The following ANKRD31 variants were observed in gnomAD, a reference collection of about 807,000 sequenced individuals.
ANKRD31 encodes the protein ankyrin repeat domain-containing protein 31.
ANKRD31 carries 147 observed loss-of-function variants against 186.0 expected under a neutral mutation model. That is an observed-to-expected ratio of 0.79 (90% CI 0.69 to 0.91). The LOEUF (loss-of-function observed/expected upper bound fraction) is 0.91, where lower values mean the gene tolerates loss of function less well. Ranked by LOEUF, ANKRD31 falls within the 40% of genes least tolerant of loss-of-function variation. The pLI is 0.00. For missense variants in ANKRD31, 1,986 were observed against 2,148.8 expected (o/e 0.92, Z 1.50); for synonymous variants, 673 against 736.4 (o/e 0.91, Z 1.39).
intron 19 of ANKRD31, among the ~76,000 whole-genome samples, chr5:75,115,434 T>C (rs552223950): frequency 1.5e-3 from 228 of 152,228 alleles, no homozygotes; most frequent in Middle Eastern, 6.8e-3. Context: ...AAAGAGCTTC[T>C]GCACAGGAAA....
At chr5:75,077,420 T>C (rs1477063560) in intron 25 of ANKRD31, among the ~76,000 whole-genome samples, 1 of 152,166 alleles carries the variant, frequency 6.6e-6, no homozygotes, top group Non-Finnish European at 1.5e-5. Context: ...AAAAGCCACC[T>C]GAAAAACTAC....
At chr5:75,230,789 C>T (rs1757900153) in intron 1 of ANKRD31, among the ~76,000 whole-genome samples, 154 bp from the exon 2 acceptor site, 2 of 152,148 alleles carry the variant, frequency 1.3e-5, no homozygotes, top group African/African-American at 4.8e-5. Flanking sequence ...CAGAAATGTA[C>T]ATTTTGATTG....
At position 75,082,744 on chromosome 5, in the gene ANKRD31, A is replaced by C. The variant is rs545479895; in HGVS notation, c.5575+1528T>G. ...TTATATGATACTTAAAAATCTATCCAAAGTAAGTACAGCATAGATTCAGAG... is the reference window on the plus strand; with the variant it reads ...TTATATGATACTTAAAAATCTATCCCAAGTAAGTACAGCATAGATTCAGAG... On this transcript the variant is annotated intron_variant, in intron 24 of 25. Transcript: ENST00000506364. Among the ~76,000 whole-genome samples the C allele has an allele frequency of 2.0e-5, 3 of 152,368 alleles. No homozygotes were observed. In the South Asian group the frequency reaches 6.2e-4, roughly 32 times the overall value.
intron 22 of ANKRD31, among the ~76,000 whole-genome samples, chr5:75,101,911 G>T (rs1395898052): frequency 6.6e-6 from 1 of 152,126 alleles, no homozygotes; most frequent in Non-Finnish European, 1.5e-5. Flanking sequence ...ATTACCGATT[G>T]TCTGAAGCCT....
At chr5:75,186,891 G>T (rs1754751859) in intron 10 of ANKRD31, among the ~76,000 whole-genome samples, 1 of 151,874 alleles carries the variant, frequency 6.6e-6, no homozygotes, top group Non-Finnish European at 1.5e-5. Flanking sequence ...CTTCCTACTA[G>T]AGATTATTAA....
chr5:75,193,048 T>C (rs1755220427), intron 8 of ANKRD31, among the ~76,000 whole-genome samples: 1 of 152,088 alleles, frequency 6.6e-6, no homozygotes, highest in South Asian at 2.1e-4. Context: ...ATTCTTAATC[T>C]CCTGCTCTTT....
At chr5:75,223,303 G>C (rs1251005957) in intron 2 of ANKRD31, among the ~76,000 whole-genome samples, 1 of 152,018 alleles carries the variant, frequency 6.6e-6, no homozygotes, top group African/African-American at 2.4e-5. Context: ...ATACTACACT[G>C]AATGAAATAA....
chr5:75,232,886 G>A (rs571940721), intron 1 of ANKRD31, among the ~76,000 whole-genome samples: 5 of 152,220 alleles, frequency 3.3e-5, no homozygotes, highest in Admixed American at 1.3e-4. Context: ...TGTAGAAGGA[G>A]AAAAGAAACA....
At position 75,112,558 on chromosome 5, in the gene ANKRD31, G is replaced by T; in HGVS notation, c.4198C>A (p.Gln1400Lys). Residue 1400 changes from glutamine to lysine, a missense_variant, in exon 20 of 26, where the codon CAA becomes AAA. Transcript: ENST00000506364. ...ATTTCAAACTCTAATAAATATTCTT[G>T]TTTTTCTTCTATATCTTGTAGAATG... is the stretch of plus-strand genomic sequence containing the variant. ...SAILQDIEEK[Q>K]EYLLEFEIRN... 1 of 1,524,538 alleles carries T rather than the reference G, an allele frequency of 6.6e-7. No individual in the cohort carries two copies. The highest frequency in any genetic ancestry group is 8.8e-7 in the Non-Finnish European group (1 of 1,138,406). The allele number at this position is 1,524,538 out of a possible 1,614,324, so 94.4% of individuals were successfully genotyped here. A position where few individuals can be genotyped will look rare whatever the true frequency, so the allele number is the denominator to read the frequency against.
chr5:75,071,096 T>C (rs1331183150), intron 25 of ANKRD31, among the ~76,000 whole-genome samples: 1 of 152,094 alleles, frequency 6.6e-6, no homozygotes, highest in Non-Finnish European at 1.5e-5. Context: ...AATCTAGTGT[T>C]CCAAGTAAAA....
intron 7 of ANKRD31, among the ~76,000 whole-genome samples, chr5:75,194,390 C>A (rs1217143657): frequency 9.5e-6 from 1 of 105,182 alleles, no homozygotes; most frequent in Admixed American, 8.3e-5. Flanking sequence ...TAGAACACTG[C>A]AATTTTAATC....
chr5:75,125,478 T>C (rs571950974), intron 17 of ANKRD31, among the ~76,000 whole-genome samples: 2 of 152,248 alleles, frequency 1.3e-5, no homozygotes, highest in East Asian at 3.9e-4. Context: ...AAACTGGAGA[T>C]GTAGGCCTTA....
At chr5:75,176,908 G>C (rs891812308) in intron 10 of ANKRD31, among the ~76,000 whole-genome samples, 1 of 152,178 alleles carries the variant, frequency 6.6e-6, no homozygotes, top group African/African-American at 2.4e-5. Context: ...GTTGAGAGAG[G>C]AAGGCTTCAG....
intron 10 of ANKRD31, among the ~76,000 whole-genome samples, chr5:75,175,084 A>G (rs1353254683): frequency 6.6e-6 from 1 of 152,236 alleles, no homozygotes; most frequent in Non-Finnish European, 1.5e-5. Flanking sequence ...TTGCAGGGAC[A>G]TGAATGAAGC....
At chr5:75,177,831 A>C (rs193280688) in intron 10 of ANKRD31, among the ~76,000 whole-genome samples, 64 of 152,304 alleles carry the variant, frequency 4.2e-4, no homozygotes, top group African/African-American at 1.5e-3. Flanking sequence ...TCAACTAACG[A>C]GCAAAATAAC....
chr5:75,138,120 T>G, intron 16 of ANKRD31, 122 bp from the exon 17 acceptor site: 1 of 828,766 alleles, frequency 1.2e-6, no homozygotes, highest in Non-Finnish European at 1.6e-6. Context: ...ATGTATATAC[T>G]AAGTATTGAA....
intron 10 of ANKRD31, among the ~76,000 whole-genome samples, chr5:75,177,064 G>T (rs1229793144): frequency 6.6e-6 from 1 of 152,184 alleles, no homozygotes; most frequent in Non-Finnish European, 1.5e-5. Context: ...GGAAACCACG[G>T]CACGAGAACT....
intron 23 of ANKRD31, among the ~76,000 whole-genome samples, chr5:75,084,583 A>G (rs1181269784): frequency 6.6e-6 from 1 of 152,192 alleles, no homozygotes; most frequent in Non-Finnish European, 1.5e-5. Flanking sequence ...CATTTACTTA[A>G]CATCTATGGC....
intron 22 of ANKRD31, among the ~76,000 whole-genome samples, chr5:75,094,520 C>A (rs780741425): frequency 6.6e-6 from 1 of 151,894 alleles, no homozygotes; most frequent in Non-Finnish European, 1.5e-5. Context: ...CTACTGCAAG[C>A]ACAACTCAAA....
Sources: gnomAD v4.1 joint callset for allele counts (sites outside exome capture counted in the v4.1 genomes callset) on GRCh38, gnomAD v4.1.1 for gene constraint, MANE v1.5 for transcripts, NCBI Gene and HGNC (gene_info 2026-07-23, HGNC 2026-07-21) for gene names.